C1orf21: variants seen among roughly 807,000 people sequenced by gnomAD.
C1orf21 encodes chromosome 1 open reading frame 21.
Under a neutral mutation model 18.7 loss-of-function variants are expected in C1orf21, and 3 were observed. The ratio of observed to expected loss-of-function variants is 0.16; its 90% CI spans 0.07 to 0.42. The LOEUF is 0.42. Ranked by LOEUF, C1orf21 falls within the 10% of genes least tolerant of loss-of-function variation. The pLI is 0.99. For synonymous variants in C1orf21, 41 were observed against 46.4 expected, an observed-to-expected ratio of 0.88 and a Z score of 0.47; for missense variants, 104 against 143.6, an observed-to-expected ratio of 0.72 and a Z score of 1.41.
chr1:184,557,505 G>A (rs183518743), intron 3 of C1orf21, among the ~76,000 whole-genome samples: 32 of 152,248 alleles, frequency 2.1e-4, no homozygotes, highest in African/African-American at 7.2e-4. Flanking sequence ...ACAATGTTTG[G>A]TTTTGTATTC....
intron 3 of C1orf21, among the ~76,000 whole-genome samples, chr1:184,581,055 AC>A (rs1188996986): frequency 1.3e-5 from 2 of 152,160 alleles, no homozygotes; most frequent in Non-Finnish European, 2.9e-5. Context: ...GCCTCCATTA[AC>A]CCAAGTCGCT....
At chr1:184,466,675 A>G (rs765949344) in intron 1 of C1orf21, among the ~76,000 whole-genome samples, 3 of 152,202 alleles carry the variant, frequency 2.0e-5, no homozygotes, top group Non-Finnish European at 4.4e-5. Context: ...GTTCTTTGTT[A>G]TGGTAAACTA....
chr1:184,579,179 A>C (rs1051688062), intron 3 of C1orf21, among the ~76,000 whole-genome samples: 2 of 149,474 alleles, frequency 1.3e-5, no homozygotes, highest in Non-Finnish European at 3.0e-5. Flanking sequence ...CTGGGACTAC[A>C]GGAGTGCACC....
At chr1:184,518,950 G>C (rs749463370) in intron 3 of C1orf21, among the ~76,000 whole-genome samples, 3 of 152,104 alleles carry the variant, frequency 2.0e-5, no homozygotes, top group Non-Finnish European at 4.4e-5. Context: ...CCCCGGCATG[G>C]AGACGTGGCA....
chr1:184,483,236 C>A (rs1162567553), intron 2 of C1orf21, among the ~76,000 whole-genome samples: 1 of 152,154 alleles, frequency 6.6e-6, no homozygotes, highest in Non-Finnish European at 1.5e-5. Flanking sequence ...GACAGCTGAG[C>A]AGATTGCCAA....
intron 1 of C1orf21, among the ~76,000 whole-genome samples, chr1:184,471,375 G>A (rs1657494059): frequency 6.6e-6 from 1 of 152,152 alleles, no homozygotes; most frequent in Non-Finnish European, 1.5e-5. Context: ...TGAGGTTTCA[G>A]ACTTGCAAGT....
intron 4 of C1orf21, 66 bp downstream of exon 4, chr1:184,590,881 G>A: frequency 7.3e-7 from 1 of 1,360,982 alleles, no homozygotes. Flanking sequence ...TGCATCTGTG[G>A]ATTCAACTAC....
intron 1 of C1orf21, among the ~76,000 whole-genome samples, chr1:184,459,586 A>C (rs747674735): frequency 6.6e-6 from 1 of 152,184 alleles, no homozygotes; most frequent in Non-Finnish European, 1.5e-5. Flanking sequence ...GTCTGTGACC[A>C]TCTCTTACAG....
chr1:184,447,161 G>A (rs1295713714), intron 1 of C1orf21, among the ~76,000 whole-genome samples: 1 of 152,016 alleles, frequency 6.6e-6, no homozygotes, highest in African/African-American at 2.4e-5. Flanking sequence ...TGTGTGCTCT[G>A]CTTCTTAGCT....
chr1:184,452,563 G>A (rs554582523), intron 1 of C1orf21, among the ~76,000 whole-genome samples: 25 of 152,298 alleles, frequency 1.6e-4, no homozygotes, highest in African/African-American at 5.8e-4. Flanking sequence ...AGAAGAGGGC[G>A]TAACCACCAC....
intron 3 of C1orf21, among the ~76,000 whole-genome samples, chr1:184,557,165 A>G (rs550609122): frequency 6.6e-6 from 1 of 152,102 alleles, no homozygotes; most frequent in Non-Finnish European, 1.5e-5. Flanking sequence ...ATTAATGTCA[A>G]TGTGGGGGTC....
chr1:184,428,069 A>G lies in C1orf21; in HGVS notation c.-125+40701A>G, dbSNP rs1369934216. On this transcript the variant is annotated intron_variant, in intron 1 of 5. Transcript: ENST00000235307. ...TCTGAGTTTTGGTTTCCTTGTCTAT[A>G]AAATGAGGATGATAATAGACCCCAC... Among the ~76,000 whole-genome samples the G allele has an allele frequency of 4.6e-5, 7 of 152,344 alleles. 1 individual carries two copies. In the East Asian group the frequency reaches 1.2e-3, roughly 25 times the overall value.
intron 3 of C1orf21, among the ~76,000 whole-genome samples, chr1:184,572,937 C>T (rs916710907): frequency 2.2e-5 from 3 of 136,822 alleles, no homozygotes; most frequent in African/African-American, 6.0e-5. Context: ...GGAGACAGAG[C>T]GAGACTCCTT....
Position 184,451,430 on chromosome 1 carries a change from G to A in C1orf21, c.-124-25956G>A, listed in dbSNP as rs375923080. ...CTCAGGTTCTCAGGTAGCTGGGACTGTAGGCATACACCATCATGCCTGGCT... is the reference window on the plus strand; with the variant it reads ...CTCAGGTTCTCAGGTAGCTGGGACTATAGGCATACACCATCATGCCTGGCT... On this transcript the variant is annotated intron_variant, in intron 1 of 5. Transcript: ENST00000235307. 2.1e-4 allele frequency among the ~76,000 whole-genome samples: 32 copies of A among 150,006 alleles called. No individual in the cohort carries two copies. In the East Asian group the frequency reaches 4.1e-3, roughly 19 times the overall value.
intron 1 of C1orf21, among the ~76,000 whole-genome samples, chr1:184,465,710 A>G (rs143596777): frequency 2.2e-4 from 33 of 152,332 alleles, no homozygotes; most frequent in African/African-American, 7.7e-4. Context: ...GGGCTCACAG[A>G]GACAGACAGC....
intron 3 of C1orf21, among the ~76,000 whole-genome samples, chr1:184,578,993 TAAAAAAAAAAA>T (rs67905484): frequency 8.2e-6 from 1 of 121,688 alleles, no homozygotes; most frequent in Non-Finnish European, 1.7e-5. Context: ...TTGTGAAGGT[TAAAAAAAAAAA>T]AAAAAAAAAA....
chr1:184,552,163 A>ATTAATAC (rs1658822536), intron 3 of C1orf21, among the ~76,000 whole-genome samples: 1 of 152,214 alleles, frequency 6.6e-6, no homozygotes. Context: ...AGGAAAAAAA[A>ATTAATAC]TTAATACTTT....
intron 3 of C1orf21, among the ~76,000 whole-genome samples, chr1:184,553,360 C>A (rs1658838883): frequency 6.6e-6 from 1 of 152,132 alleles, no homozygotes; most frequent in Non-Finnish European, 1.5e-5. Context: ...ATTTAGAACT[C>A]ACACATAAGT....
chr1:184,421,385 G>A (rs1270661811), intron 1 of C1orf21, among the ~76,000 whole-genome samples: 1 of 152,160 alleles, frequency 6.6e-6, no homozygotes, highest in African/African-American at 2.4e-5. Context: ...GACATGAGCC[G>A]CCATTCTCAG....
Sources: allele counts gnomAD v4.1 joint callset (sites outside exome capture counted in the v4.1 genomes callset), GRCh38; gene constraint gnomAD v4.1.1; transcripts MANE v1.5; gene names NCBI Gene and HGNC (gene_info 2026-07-23, HGNC 2026-07-21).